OTOG: variants seen among roughly 807,000 people sequenced by gnomAD.
OTOG encodes otogelin.
OTOG carries 296 observed loss-of-function variants against 313.8 expected under a neutral mutation model. The observed-to-expected ratio is 0.94, with a 90% confidence interval of 0.86 to 1.04. OTOG has a LOEUF of 1.04. Among genes scored for constraint, OTOG ranks in the 50% least tolerant of loss-of-function variants. OTOG has a pLI of 0.00. For synonymous variants in OTOG, 1,533 were observed against 1,554.9 expected (o/e 0.99, Z 0.33); for missense variants, 3,948 against 3,840.1 (o/e 1.03, Z -0.74).
intron 47 of OTOG, among the ~76,000 whole-genome samples, chr11:17,637,534 A>C (rs1410023881): frequency 6.6e-6 from 1 of 152,132 alleles, no homozygotes; most frequent in Non-Finnish European, 1.5e-5. Context: ...CCTAAAACTG[A>C]AATTTCCATC....
chr11:17,632,285 A>G, intron 42 of OTOG, 59 bp downstream of exon 42: 1 of 1,497,578 alleles, frequency 6.7e-7, no homozygotes, highest in Non-Finnish European at 9.0e-7. Flanking sequence ...CCCCTGTTAA[A>G]GTGGGAAAAG....
At position 17,586,081 on chromosome 11, in the gene OTOG, C is replaced by T. The variant is rs150712771; in HGVS notation, c.2760-393C>T. On this transcript the variant is annotated intron_variant, in intron 23 of 55. Transcript: ENST00000399397. The stretch of plus-strand genomic sequence containing the variant: ...AGACTAGAAGACAGCAGCACTGCTG[C>T]TTTGGGGCCTGTGGTCTGAGAGCTC... Among the ~76,000 whole-genome samples the T allele has an allele frequency of 2.0e-5, 3 of 152,286 alleles. No homozygotes were observed. In the East Asian group the frequency reaches 5.8e-4, roughly 29 times the overall value.
chr11:17,606,880 G>A (rs951407278), intron 33 of OTOG, among the ~76,000 whole-genome samples: 1 of 152,130 alleles, frequency 6.6e-6, no homozygotes, highest in Non-Finnish European at 1.5e-5. Flanking sequence ...GTCAGTTATC[G>A]AGTCTGCCCT....
chr11:17,613,197 T>TC (rs200319438), intron 38 of OTOG, among the ~76,000 whole-genome samples: 2 of 58,498 alleles, frequency 3.4e-5, no homozygotes, highest in African/African-American at 9.5e-5. Context: ...TTTCTTTCTT[T>TC]TCTTTCTTTC....
At chr11:17,628,630 GA>G (rs1307755817) in intron 39 of OTOG, among the ~76,000 whole-genome samples, 3 of 152,292 alleles carry the variant, frequency 2.0e-5, no homozygotes, top group Admixed American at 2.0e-4. Context: ...CTGCCCTTAA[GA>G]AACTCAGTTC....
At position 17,555,883 on chromosome 11, in the gene OTOG, C is replaced by G. The variant is rs1852048535; in HGVS notation, c.645C>G (p.Thr215=). 6.4e-7 allele frequency: 1 copy of G among 1,550,890 alleles called. No homozygotes were observed. Among genetic ancestry groups the G allele is most frequent in the Non-Finnish European group, 8.7e-7 (1 of 1,146,898 alleles). Residue 215 remains threonine (T), a synonymous_variant, in exon 7 of 56, where the codon ACC becomes ACG. Coordinates refer to ENST00000399397, the MANE Select transcript of OTOG (RefSeq NM_001292063.2). ...EQEIHLAKEV[T]HGGMRVQLPH... ...AGATCCATCTGGCCAAGGAGGTCAC[C>G]CATGGAGGCATGAGGTAACTCTAAC...
At chr11:17,630,671 C>T (rs1248433063) in intron 40 of OTOG, among the ~76,000 whole-genome samples, 1 of 152,170 alleles carries the variant, frequency 6.6e-6, no homozygotes, top group African/African-American at 2.4e-5. Context: ...TTGTGAAAGG[C>T]TGACCTGCAA....
Position 17,631,876 on chromosome 11 carries a change from GC to G in OTOG, c.6889del (p.Leu2297PhefsTer39). ...TGCGCCACAACTGACTGCTCGCCCT[GC>G]CTTCGCATGGTGTCCAACCGCACCT... is the stretch of plus-strand genomic sequence containing the variant. Reference protein sequence around the residue: ...DSCATTDCSPCLRMVSNRTFS... With the variant: ...DSCATTDCSPXLRMVSNRTFS... On this transcript the variant is annotated frameshift_variant, in exon 41 of 56. Transcript: ENST00000399397. LOFTEE classifies it high-confidence loss of function. The G allele has an allele frequency of 6.4e-7, 1 of 1,550,470 alleles. No homozygotes were observed.
rs2133721703 is a variant in OTOG, at chr11:17,641,852, G to T, written c.8196G>T (p.Gln2732His). ...VLCDIHCEAN[Q>H]EYEHPRDLAA... ...CACCCCGCCCTGGCCTGTAGAACCAGGAGTACGAGCACCCGCGGGACCTCG... is the reference window on the plus strand; with the variant it reads ...CACCCCGCCCTGGCCTGTAGAACCATGAGTACGAGCACCCGCGGGACCTCG... Residue 2732 changes from glutamine to histidine, a missense_variant, in exon 52 of 56, where the codon CAG becomes CAT. Gln to His is a conservative substitution (Grantham distance 24, BLOSUM62 0). Transcript: ENST00000399397. The T allele has an allele frequency of 6.5e-7, 1 of 1,549,580 alleles. No individual in the cohort carries two copies. Among genetic ancestry groups the T allele is most frequent in the Non-Finnish European group, 8.7e-7 (1 of 1,146,470 alleles).
intron 39 of OTOG, among the ~76,000 whole-genome samples, chr11:17,624,421 A>G (rs1218382788): frequency 2.0e-5 from 3 of 152,052 alleles, no homozygotes; most frequent in Non-Finnish European, 4.4e-5. Context: ...TACTTTACCT[A>G]TTGCTTGTTT....
At chr11:17,552,902 C>T (rs918001672) in intron 4 of OTOG, among the ~76,000 whole-genome samples, 1 of 152,244 alleles carries the variant, frequency 6.6e-6, no homozygotes, top group Admixed American at 6.5e-5. Context: ...ACTTGATGCA[C>T]ATCAAAGGCA....
At position 17,568,497 on chromosome 11, in the gene OTOG, T is replaced by C. The variant is rs570893613; in HGVS notation, c.1645-659T>C. Among the ~76,000 whole-genome samples, 4 of 152,358 alleles carry C rather than the reference T, an allele frequency of 2.6e-5. No individual in the cohort carries two copies. In the East Asian group the frequency reaches 5.8e-4, roughly 22 times the overall value. ...TTGAGTAATCAACTTTGTAATTACT[T>C]ATTTAATGTCTGTGTCCCACACAAG... On this transcript the variant is annotated intron_variant, in intron 15 of 55. Coordinates refer to ENST00000399397, the MANE Select transcript of OTOG (RefSeq NM_001292063.2).
rs1554975313 is a variant in OTOG at position 17,612,320 on chromosome 11, G to GGAGT, written c.6284_6287dup (p.Cys2096Ter). 8 of 1,534,438 alleles carry GGAGT rather than the reference G, an allele frequency of 5.2e-6. No homozygotes were observed. Among genetic ancestry groups the GGAGT allele is most frequent in the East Asian group, 4.9e-5 (2 of 40,824 alleles). ...GTGGGGACCGCTGCTGCCCACTCTG[G>GGAGT]GAGTGTGCCTGTGAGTCATGGGATC... On this transcript the variant is annotated frameshift_variant, in exon 37 of 56. Coordinates refer to ENST00000399397, the MANE Select transcript of OTOG (RefSeq NM_001292063.2). LOFTEE classifies it high-confidence loss of function.
At chr11:17,603,637 T>TGTGCCCAGGGTCCTGGGCA (rs1416486543) in intron 32 of OTOG, among the ~76,000 whole-genome samples, 6 of 152,188 alleles carry the variant, frequency 3.9e-5, no homozygotes, top group Non-Finnish European at 5.9e-5. Context: ...TCTCCTGGGC[T>TGTGCCCAGGGTCCTGGGCA]GTGCCCAGGG....
rs750951178 is a variant in OTOG, at chr11:17,555,830, G to C, written c.592G>C (p.Val198Leu). The change falls in exon 7 of 56, where the codon GTC becomes CTC. Residue 198 changes from valine (V) to leucine (L), a missense_variant. Physicochemically the swap from Val to Leu is conservative, Grantham distance 32. Coordinates refer to ENST00000399397, the MANE Select transcript of OTOG (RefSeq NM_001292063.2). ...GSSPYTCSRA[V>L]SLFFVGEQEI... ...TTCACCCTACACCTGCTCCAGGGCT[G>C]TCAGCCTCTTCTTTGTGGGTGAGCA... is the stretch of plus-strand genomic sequence containing the variant. 9.7e-6 allele frequency: 15 copies of C among 1,550,884 alleles called. No individual in the cohort carries two copies. In the South Asian group the frequency reaches 1.8e-4, roughly 18 times the overall value.
chr11:17,549,719 C>T (rs1851893539), intron 3 of OTOG, among the ~76,000 whole-genome samples: 1 of 152,164 alleles, frequency 6.6e-6, no homozygotes, highest in Admixed American at 6.5e-5. Flanking sequence ...TGCTGGTTTC[C>T]AGGGTAGGCA....
rs1160574738 is a variant in OTOG, at chr11:17,634,963, G to A, written c.7585+15G>A. 2 of 1,497,220 alleles carry A rather than the reference G, an allele frequency of 1.3e-6. No homozygotes were observed. Among genetic ancestry groups the A allele is most frequent in the Non-Finnish European group, 1.8e-6 (2 of 1,101,218 alleles). 92.7% of individuals were successfully genotyped at this position (1,497,220 alleles called of 1,614,324 possible). A position where few individuals can be genotyped will look rare whatever the true frequency, so the allele number is the denominator to read the frequency against. ...CTACAGCTGTGGTGAGAGGCCCGGG[G>A]TGGGGAGGGTGGGGGACGGACTGAG... On this transcript the variant is annotated intron_variant, in intron 45 of 55. Coordinates refer to ENST00000399397, the MANE Select transcript of OTOG (RefSeq NM_001292063.2).
chr11:17,562,318 A>G (rs1852209760), intron 15 of OTOG, among the ~76,000 whole-genome samples: 1 of 150,610 alleles, frequency 6.6e-6, no homozygotes. Context: ...CCCATATTTT[A>G]TGTGTCTTCA....
At position 17,547,543 on chromosome 11, in the gene OTOG, G is replaced by A. The variant is rs1008123953; in HGVS notation, c.94+77G>A. On this transcript the variant is annotated intron_variant, in intron 1 of 55. Transcript: ENST00000399397. Reference sequence around the variant, plus strand: ...TTAAAGGAATGAGGAATGGGCCCGCGCAGGTTGGAGAGAGGGAGGAAAGAG... The same window carrying A: ...TTAAAGGAATGAGGAATGGGCCCGCACAGGTTGGAGAGAGGGAGGAAAGAG... 1.5e-5 allele frequency: 19 copies of A among 1,275,580 alleles called. No homozygotes were observed. The Admixed American group carries it at 1.9e-4, about 13-fold the overall frequency. 79.0% of individuals were successfully genotyped at this position (1,275,580 alleles called of 1,614,324 possible).
Sources: allele counts gnomAD v4.1 joint callset (sites outside exome capture counted in the v4.1 genomes callset), GRCh38; gene constraint gnomAD v4.1.1; transcripts MANE v1.5; gene names NCBI Gene and HGNC (gene_info 2026-07-23, HGNC 2026-07-21).